The following TBC1D14 variants were observed in gnomAD, a reference collection of about 807,000 sequenced individuals.
The protein encoded by TBC1D14 is TBC1 domain family member 14.
TBC1D14 carries 26 observed loss-of-function variants against 79.0 expected under a neutral mutation model. The observed-to-expected ratio is 0.33, with a 90% CI of 0.24 to 0.46. TBC1D14 has a LOEUF of 0.46. TBC1D14 is among the 20% of genes least tolerant of loss of function. TBC1D14 has a pLI of 1.00. For synonymous variants in TBC1D14, 394 were observed against 349.9 expected, an observed-to-expected ratio of 1.13 and a Z score of -1.40; for missense variants, 769 against 887.6, an observed-to-expected ratio of 0.87 and a Z score of 1.70.
intron 11 of TBC1D14, among the ~76,000 whole-genome samples, chr4:7,011,164 C>T (rs946458226): frequency 3.3e-5 from 5 of 152,162 alleles, no homozygotes; most frequent in East Asian, 3.8e-4. Context: ...CGTAATCGAG[C>T]GGTGTTGCTG....
At chr4:6,909,646 C>T (rs1577440239), upstream of TBC1D14, 1 of 151,710 alleles carries the variant, frequency 6.6e-6, no homozygotes, top group South Asian at 2.1e-4. Context: ...GGCGGGCGGC[C>T]CCCGGAAGAG....
rs1352062758 is a variant in TBC1D14, at chr4:6,929,080, A to G, written c.722+4969A>G. ...TATGGATATACAGATGGCACCTGCTATGGACCTGCATTGCTGCTGGTGTGT... is the reference window on the plus strand; with the variant it reads ...TATGGATATACAGATGGCACCTGCTGTGGACCTGCATTGCTGCTGGTGTGT... On this transcript the variant is annotated intron_variant, in intron 2 of 13. Transcript: ENST00000409757. Among the ~76,000 whole-genome samples the G allele has an allele frequency of 1.6e-4, 25 of 152,252 alleles. 1 individual carries two copies.
chr4:7,030,600 G>T lies in TBC1D14; in HGVS notation c.*208G>T, dbSNP rs979073967. 49 of 495,130 alleles carry T rather than the reference G, an allele frequency of 9.9e-5. No homozygotes were observed. The highest frequency in any genetic ancestry group is 1.7e-4 in the Non-Finnish European group (47 of 270,980). 30.7% of individuals were successfully genotyped at this position (495,130 alleles called of 1,614,324 possible). ...GCCTTAAGCAGCTCAGTGGAAGGAT[G>T]AGCTGCTGCGGACCACAGCCAGCCA... On this transcript the variant is annotated 3_prime_UTR_variant, in exon 14 of 14. Coordinates refer to ENST00000409757, the MANE Select transcript of TBC1D14 (RefSeq NM_020773.3).
chr4:7,012,242 C>A (rs1008765385), intron 11 of TBC1D14, among the ~76,000 whole-genome samples: 1 of 149,360 alleles, frequency 6.7e-6, no homozygotes, highest in Admixed American at 6.7e-5. Flanking sequence ...GCAGAGCTTG[C>A]AGTGAGCCGA....
chr4:6,999,039 C>G, intron 5 of TBC1D14, 46 bp from the exon 6 acceptor site: 1 of 1,579,778 alleles, frequency 6.3e-7, no homozygotes, highest in Non-Finnish European at 8.7e-7. Context: ...TGGAAATGGT[C>G]CATATCAGTT....
intron 2 of TBC1D14, among the ~76,000 whole-genome samples, chr4:6,944,285 A>G (rs1025733564): frequency 6.6e-6 from 1 of 152,200 alleles, no homozygotes; most frequent in Non-Finnish European, 1.5e-5. Flanking sequence ...CAGCACAATT[A>G]AAACGTGTTC....
chr4:7,028,254 A>G (rs1404294249), intron 13 of TBC1D14, among the ~76,000 whole-genome samples: 1 of 152,070 alleles, frequency 6.6e-6, no homozygotes, highest in Admixed American at 6.6e-5. Context: ...AAAGGATTAA[A>G]CCCAGATCAG....
At chr4:6,963,421 A>G (rs113615910) in intron 2 of TBC1D14, among the ~76,000 whole-genome samples, 192 of 152,354 alleles carry the variant, frequency 1.3e-3, no homozygotes, top group African/African-American at 4.5e-3. Flanking sequence ...CAGACAGCAC[A>G]GATGTTGAAG....
chr4:6,956,037 G>T (rs1165934401), intron 2 of TBC1D14, among the ~76,000 whole-genome samples: 3 of 152,198 alleles, frequency 2.0e-5, no homozygotes, highest in Non-Finnish European at 4.4e-5. Flanking sequence ...TCAGTGCCAG[G>T]AACTGTCGTA....
At chr4:6,991,025 C>T (rs1348405828) in intron 3 of TBC1D14, among the ~76,000 whole-genome samples, 2 of 152,204 alleles carry the variant, frequency 1.3e-5, no homozygotes, top group African/African-American at 2.4e-5. Context: ...CTGGGAGAAC[C>T]GGGTCTAGAG....
intron 2 of TBC1D14, among the ~76,000 whole-genome samples, chr4:6,927,397 G>A (rs991675263): frequency 1.8e-4 from 28 of 152,310 alleles, no homozygotes; most frequent in African/African-American, 5.5e-4. Flanking sequence ...CCTTGGGCAA[G>A]TTACCTCTCT....
At chr4:7,017,939 G>A (rs1302213125) in intron 12 of TBC1D14, among the ~76,000 whole-genome samples, 3 of 152,206 alleles carry the variant, frequency 2.0e-5, no homozygotes, top group Non-Finnish European at 2.9e-5. Flanking sequence ...AGGTTGGGCA[G>A]TAGGGAGGAA....
At chr4:6,974,823 TAAA>T in intron 3 of TBC1D14, among the ~76,000 whole-genome samples, 1 of 149,010 alleles carries the variant, frequency 6.7e-6, no homozygotes, top group African/African-American at 2.5e-5. Context: ...GAATCATCTT[TAAA>T]AAAAAAAAAT....
intron 2 of TBC1D14, among the ~76,000 whole-genome samples, chr4:6,958,376 T>TATACACAC (rs538972596): frequency 4.8e-4 from 72 of 149,220 alleles, no homozygotes; most frequent in East Asian, 1.6e-3. Flanking sequence ...TCCCCACATA[T>TATACACAC]ACACACACAC....
intron 2 of TBC1D14, among the ~76,000 whole-genome samples, chr4:6,966,210 C>T (rs757968812): frequency 1.4e-4 from 21 of 152,204 alleles, no homozygotes; most frequent in East Asian, 5.8e-4. Context: ...CTTTTAGACA[C>T]GTCCCAGTAT....
In TBC1D14 at chr4:7,021,705, TA is replaced by T. The variant is rs758146816; in HGVS notation, c.1758-3292del. Among the ~76,000 whole-genome samples the T allele has an allele frequency of 2.0e-4, 31 of 152,290 alleles. No homozygotes were observed. The East Asian group carries it at 3.7e-3, about 18-fold the overall frequency. On this transcript the variant is annotated intron_variant, in intron 12 of 13. Coordinates refer to ENST00000409757, the MANE Select transcript of TBC1D14 (RefSeq NM_020773.3). ...AAAACATACTTTTATTTATTACTTTTAAAAAAATACCATTTTTGATCTACAA... is the reference window on the plus strand; with the variant it reads ...AAAACATACTTTTATTTATTACTTTTAAAAAATACCATTTTTGATCTACAA...
chr4:7,018,218 C>T (rs1162791706), intron 12 of TBC1D14, among the ~76,000 whole-genome samples: 4 of 152,172 alleles, frequency 2.6e-5, no homozygotes, highest in South Asian at 2.1e-4. Context: ...CTGTGCCTGG[C>T]GGGGTATAAA....
At chr4:6,927,302 G>A (rs919531222) in intron 2 of TBC1D14, among the ~76,000 whole-genome samples, 17 of 152,048 alleles carry the variant, frequency 1.1e-4, no homozygotes, top group Admixed American at 9.2e-4. Flanking sequence ...GGGTGGGGAG[G>A]GGGTGGCACC....
chr4:6,962,894 T>C (rs1401493814), intron 2 of TBC1D14, among the ~76,000 whole-genome samples: 1 of 151,866 alleles, frequency 6.6e-6, no homozygotes, highest in African/African-American at 2.4e-5. Flanking sequence ...TTGCCTCCCC[T>C]GCACACACAC....
Sources: gnomAD v4.1 joint callset for allele counts (sites outside exome capture counted in the v4.1 genomes callset) on GRCh38, gnomAD v4.1.1 for gene constraint, MANE v1.5 for transcripts, NCBI Gene and HGNC (gene_info 2026-07-23, HGNC 2026-07-21) for gene names.